Variants in B3GALT5 observed in about 807,000 individuals in gnomAD.
B3GALT5 encodes the protein UDP-Gal:betaGlcNAc beta 1,3-galactosyltransferase, polypeptide 5.
For missense variants in B3GALT5, 328 were observed against 396.6 expected (o/e 0.83, Z 1.47); for synonymous variants, 156 against 158.6 (o/e 0.98, Z 0.12).
chr21:39,659,646 A>T, intron 2 of B3GALT5, 107 bp from the exon 3 acceptor site: 1 of 576,354 alleles, frequency 1.7e-6, no homozygotes, highest in Non-Finnish European at 2.2e-6. Context: ...GCGTGCTCAG[A>T]GTCACATAAG....
In B3GALT5 at chr21:39,646,631, T is replaced by C. The variant is rs1334988002; in HGVS notation, c.-161+9T>C. The C allele has an allele frequency of 6.6e-6, 1 of 152,200 alleles. No homozygotes were observed. The highest frequency in any genetic ancestry group is 1.5e-5 in the Non-Finnish European group (1 of 68,054). The allele number at this position is 152,200 out of a possible 1,614,324, so 9.4% of individuals were successfully genotyped here. ...ATTGGCTAGTAAGAAAGGTGGGTGG[T>C]ATTCCAAGGTTTGTACCAAGAATTA... On this transcript the variant is annotated intron_variant, in intron 2 of 3. Transcript: ENST00000684187.
intron 1 of B3GALT5, among the ~76,000 whole-genome samples, chr21:39,616,409 C>T (rs1405405275): frequency 6.6e-6 from 1 of 152,034 alleles, no homozygotes; most frequent in Admixed American, 6.6e-5. Flanking sequence ...ATTTCCTGTT[C>T]TTAGTTTCTT....
At chr21:39,639,391 C>CTTCCTTCCTTCT (rs1569212311) in intron 1 of B3GALT5, among the ~76,000 whole-genome samples, 3 of 81,724 alleles carry the variant, frequency 3.7e-5, no homozygotes, top group African/African-American at 1.4e-4. Flanking sequence ...TCCTTCCTTC[C>CTTCCTTCCTTCT]TTCTTTCTTT....
rs547516883 is a variant in B3GALT5, at chr21:39,613,791, T to G, written c.-392+724T>G. On this transcript the variant is annotated intron_variant, in intron 1 of 3. Coordinates refer to ENST00000684187, the MANE Select transcript of B3GALT5 (RefSeq NM_001356336.2). Reference sequence around the variant, plus strand: ...GTTTTTTGTTTAGGTTTCTGACTCTTGAGGGATAAATACAGCTTCCAAATA... The same window carrying G: ...GTTTTTTGTTTAGGTTTCTGACTCTGGAGGGATAAATACAGCTTCCAAATA... 2.4e-4 allele frequency among the ~76,000 whole-genome samples: 37 copies of G among 152,366 alleles called. 1 individual carries two copies. Among genetic ancestry groups the G allele is most frequent in the Admixed American group, 1.1e-3 (17 of 15,306 alleles).
intron 1 of B3GALT5, among the ~76,000 whole-genome samples, chr21:39,620,217 C>T (rs2079127293): frequency 6.6e-6 from 1 of 152,176 alleles, no homozygotes; most frequent in Non-Finnish European, 1.5e-5. Context: ...TCCCATATTG[C>T]ATTGGGTTTT....
Position 39,662,025 on chromosome 21 carries a change from T to C in B3GALT5, c.*533T>C, listed in dbSNP as rs2079532010. 4 of 167,166 alleles carry C rather than the reference T, an allele frequency of 2.4e-5. No individual in the cohort carries two copies. Among genetic ancestry groups the C allele is most frequent in the African/African-American group, 9.7e-5 (4 of 41,444 alleles). 10.4% of individuals were successfully genotyped at this position (167,166 alleles called of 1,614,324 possible). ...CTCAGCTCCCAGTCCTTGTGCTTTT[T>C]GGAGCTAAGCCTGGGATGACCAAAT... On this transcript the variant is annotated 3_prime_UTR_variant, in exon 4 of 4. Transcript: ENST00000684187.
chr21:39,636,731 A>G (rs2079230552), intron 1 of B3GALT5, among the ~76,000 whole-genome samples: 1 of 151,766 alleles, frequency 6.6e-6, no homozygotes, highest in Non-Finnish European at 1.5e-5. Flanking sequence ...TCCTGTGATC[A>G]CTCTCCTCAC....
intron 1 of B3GALT5, among the ~76,000 whole-genome samples, chr21:39,617,150 G>A (rs1300000081): frequency 6.6e-6 from 1 of 152,066 alleles, no homozygotes; most frequent in Non-Finnish European, 1.5e-5. Flanking sequence ...TTTTCCATGT[G>A]TGTTTCCACA....
intron 3 of B3GALT5, 114 bp from the exon 4 acceptor site, chr21:39,660,446 G>A (rs920191707): frequency 4.7e-6 from 4 of 855,234 alleles, no homozygotes; most frequent in Admixed American, 2.9e-5. Context: ...TGTATGCAGC[G>A]AGGTTCTAGA....
At position 39,662,998 on chromosome 21, in the gene B3GALT5, C is replaced by G. The variant is rs997184597; in HGVS notation, c.*1506C>G. On this transcript the variant is annotated 3_prime_UTR_variant, in exon 4 of 4. Transcript: ENST00000684187. ...TACCATTTCTTGTGTTTGGATTAAG[C>G]TGCTTCTTTGTAGATGTGTTTCCTC... 7 of 152,730 alleles carry G rather than the reference C, an allele frequency of 4.6e-5. No homozygotes were observed. The highest frequency in any genetic ancestry group is 8.8e-5 in the Non-Finnish European group (6 of 68,036). The allele number at this position is 152,730 out of a possible 1,614,324, so 9.5% of individuals were successfully genotyped here.
intron 1 of B3GALT5, among the ~76,000 whole-genome samples, chr21:39,617,979 AAAAT>A (rs2079115423): frequency 6.7e-6 from 1 of 148,592 alleles, no homozygotes; most frequent in African/African-American, 2.5e-5. Flanking sequence ...CTCTATGAAA[AAAAT>A]AAATAAATAA....
chr21:39,623,622 G>A (rs1256040101), intron 1 of B3GALT5, among the ~76,000 whole-genome samples: 1 of 152,058 alleles, frequency 6.6e-6, no homozygotes, highest in Non-Finnish European at 1.5e-5. Context: ...CTTCTTTCCA[G>A]CATTTTGGTA....
intron 2 of B3GALT5, among the ~76,000 whole-genome samples, chr21:39,653,407 C>G (rs2079413273): frequency 6.6e-6 from 1 of 152,162 alleles, no homozygotes; most frequent in African/African-American, 2.4e-5. Flanking sequence ...GGGTCTGGGC[C>G]CTCTAAATAT....
At position 39,659,426 on chromosome 21, in the gene B3GALT5, A is replaced by G. The variant is rs895441128; in HGVS notation, c.-160-327A>G. On this transcript the variant is annotated intron_variant, in intron 2 of 3. Coordinates refer to ENST00000684187, the MANE Select transcript of B3GALT5 (RefSeq NM_001356336.2). Reference sequence around the variant, plus strand: ...CTCAGCATTAACTACAGACTCTGTTATGTAAATAAGGTAAATTATCAGGAT... The same window carrying G: ...CTCAGCATTAACTACAGACTCTGTTGTGTAAATAAGGTAAATTATCAGGAT... Among the ~76,000 whole-genome samples the G allele has an allele frequency of 5.9e-5, 9 of 152,214 alleles. No homozygotes were observed. In the South Asian group the frequency reaches 6.2e-4, roughly 11 times the overall value.
chr21:39,653,351 T>G (rs1210456900), intron 2 of B3GALT5, among the ~76,000 whole-genome samples: 2 of 152,256 alleles, frequency 1.3e-5, no homozygotes, highest in Non-Finnish European at 2.9e-5. Flanking sequence ...ATCAATTTAT[T>G]GCCTCTTGGC....
rs2079611965 is a variant in B3GALT5, at chr21:39,669,858, GA to G, written c.*8368del. 6.6e-6 allele frequency: 1 copy of G among 152,124 alleles called. No homozygotes were observed. Among genetic ancestry groups the G allele is most frequent in the Admixed American group, 6.5e-5 (1 of 15,268 alleles). The allele number at this position is 152,124 out of a possible 1,614,324, so 9.4% of individuals were successfully genotyped here. On this transcript the variant is annotated 3_prime_UTR_variant, in exon 4 of 4. Transcript: ENST00000684187. ...TCCTCCGATGTATCTGCTTTCATAGGAAGCTTGGGACCAGCCCTGCCCAAGG... is the reference window on the plus strand; with the variant it reads ...TCCTCCGATGTATCTGCTTTCATAGGAGCTTGGGACCAGCCCTGCCCAAGG...
At chr21:39,654,266 G>A (rs760916518) in intron 2 of B3GALT5, among the ~76,000 whole-genome samples, 4 of 152,188 alleles carry the variant, frequency 2.6e-5, no homozygotes, top group Admixed American at 6.5e-5. Context: ...ATTTTTTGTA[G>A]AGATAGGGTT....
At chr21:39,628,137 C>A (rs2079173561) in intron 1 of B3GALT5, among the ~76,000 whole-genome samples, 1 of 152,150 alleles carries the variant, frequency 6.6e-6, no homozygotes. Context: ...CCAATGAGAA[C>A]ACTAGACATG....
At position 39,663,264 on chromosome 21, in the gene B3GALT5, C is replaced by T. The variant is rs947297275; in HGVS notation, c.*1772C>T. On this transcript the variant is annotated 3_prime_UTR_variant, in exon 4 of 4. Transcript: ENST00000684187. ...CTTGTCAGGTGTGTGTCTGTGTGGCCACTGGTCTCAGTCGGCGAGGCCGGT... is the reference window on the plus strand; with the variant it reads ...CTTGTCAGGTGTGTGTCTGTGTGGCTACTGGTCTCAGTCGGCGAGGCCGGT... The T allele has an allele frequency of 1.3e-5, 2 of 152,460 alleles. No individual in the cohort carries two copies. Among genetic ancestry groups the T allele is most frequent in the Non-Finnish European group, 2.9e-5 (2 of 68,158 alleles). 9.4% of individuals were successfully genotyped at this position (152,460 alleles called of 1,614,324 possible). A position where few individuals can be genotyped will look rare whatever the true frequency, so the allele number is the denominator to read the frequency against.
Sources: gnomAD v4.1 joint callset for allele counts (sites outside exome capture counted in the v4.1 genomes callset) on GRCh38, gnomAD v4.1.1 for gene constraint, MANE v1.5 for transcripts, NCBI Gene and HGNC (gene_info 2026-07-23, HGNC 2026-07-21) for gene names.